ZHX2: variants seen among roughly 807,000 people sequenced by gnomAD.
The protein encoded by ZHX2 is zinc fingers and homeoboxes protein 2.
A neutral mutation model predicts 21.9 loss-of-function variants in ZHX2; 6 were observed. The ratio of observed to expected loss-of-function variants is 0.27; its 90% confidence interval spans 0.15 to 0.54. The LOEUF is 0.54. ZHX2 is among the 20% of genes least tolerant of loss of function. The pLI, the probability that ZHX2 is intolerant of heterozygous loss-of-function variation, is 0.95. For missense variants in ZHX2, 908 were observed against 1,090.7 expected (o/e 0.83, Z 2.36); for synonymous variants, 434 against 437.1 (o/e 0.99, Z 0.09).
intron 1 of ZHX2, among the ~76,000 whole-genome samples, chr8:122,784,088 C>T (rs762895972): frequency 1.8e-4 from 28 of 152,324 alleles, no homozygotes; most frequent in South Asian, 1.0e-3. Flanking sequence ...GAAAACACCA[C>T]TGTTTGTTGG....
intron 1 of ZHX2, among the ~76,000 whole-genome samples, chr8:122,834,694 G>C (rs1049367769): frequency 1.1e-4 from 17 of 152,218 alleles, no homozygotes; most frequent in African/African-American, 4.1e-4. Flanking sequence ...TGGATTGGGA[G>C]ATGAACCGAA....
At position 122,917,629 on chromosome 8, in the gene ZHX2, C is replaced by T. The variant is rs189505060; in HGVS notation, c.-219-33663C>T. 1.4e-4 allele frequency among the ~76,000 whole-genome samples: 21 copies of T among 152,274 alleles called. No homozygotes were observed. In the East Asian group the frequency reaches 2.3e-3, roughly 17 times the overall value. ...ACCTGATGAAGATCAGGCATAAGGC[C>T]GCAGTCAGAACTGCATTTCTGTCTG... On this transcript the variant is annotated intron_variant, in intron 2 of 3. Transcript: ENST00000314393.
chr8:122,911,957 G>T (rs912551039), intron 2 of ZHX2, among the ~76,000 whole-genome samples: 12 of 152,142 alleles, frequency 7.9e-5, no homozygotes, highest in African/African-American at 2.9e-4. Flanking sequence ...GCCTGGAGGG[G>T]ACACACGCGC....
chr8:122,926,271 C>T (rs935407903), intron 2 of ZHX2, among the ~76,000 whole-genome samples: 5 of 152,258 alleles, frequency 3.3e-5, no homozygotes, highest in Admixed American at 6.5e-5. Context: ...GATGCCGGTG[C>T]GGAACAAGGG....
chr8:122,793,801 G>T (rs932988549), intron 1 of ZHX2, among the ~76,000 whole-genome samples: 2 of 152,156 alleles, frequency 1.3e-5, no homozygotes, highest in African/African-American at 4.8e-5. Flanking sequence ...AAGCTTGGGG[G>T]GCCCTGCCTC....
At chr8:122,890,357 A>G (rs1391473326) in intron 2 of ZHX2, among the ~76,000 whole-genome samples, 3 of 152,156 alleles carry the variant, frequency 2.0e-5, no homozygotes, top group African/African-American at 7.2e-5. Flanking sequence ...TTTGTTAACT[A>G]TAGCTTTGTG....
intron 1 of ZHX2, among the ~76,000 whole-genome samples, chr8:122,821,760 G>A (rs941915365): frequency 2.6e-5 from 4 of 151,904 alleles, no homozygotes; most frequent in Admixed American, 2.0e-4. Context: ...GCTGGAGTGC[G>A]GTGGCGCGAT....
chr8:122,781,036 C>G (rs776489466), upstream of ZHX2: 8 of 152,228 alleles, frequency 5.3e-5, no homozygotes, highest in Non-Finnish European at 1.0e-4. This position sits in a 1 kb window ranked among gnomAD's most constrained non-coding sequence, Gnocchi z 4.6. Context: ...CGAGCCTTCT[C>G]ATTATCATTC....
intron 1 of ZHX2, among the ~76,000 whole-genome samples, chr8:122,813,366 C>T (rs4870816): frequency 0.091 from 13,809 of 152,172 alleles, 922 homozygotes; most frequent in East Asian, 0.21. Flanking sequence ...GCATCAGAGC[C>T]GCCTTTCAGT....
At chr8:122,830,730 T>G (rs184315134) in intron 1 of ZHX2, among the ~76,000 whole-genome samples, 1 of 152,042 alleles carries the variant, frequency 6.6e-6, no homozygotes, top group East Asian at 1.9e-4. Context: ...GTGTCTGGAT[T>G]AAGGAGGGGA....
chr8:122,923,701 A>T (rs533848023), intron 2 of ZHX2, among the ~76,000 whole-genome samples: 26 of 152,360 alleles, frequency 1.7e-4, no homozygotes, highest in African/African-American at 6.0e-4. Flanking sequence ...GACTGAGAGC[A>T]GAACTAAGAG....
intron 1 of ZHX2, among the ~76,000 whole-genome samples, chr8:122,858,638 C>CTTTTTTTTTT (rs34399149): frequency 1.2e-5 from 1 of 82,736 alleles, no homozygotes; most frequent in Admixed American, 1.2e-4. Flanking sequence ...TTCTTTCTTT[C>CTTTTTTTTTT]TTTTTTTTTT....
At chr8:122,812,459 G>A (rs921567184) in intron 1 of ZHX2, among the ~76,000 whole-genome samples, 1 of 152,168 alleles carries the variant, frequency 6.6e-6, no homozygotes. Flanking sequence ...GAGTAGGGAA[G>A]CAACTTGCCC....
At chr8:122,890,213 C>T (rs1819944744) in intron 2 of ZHX2, among the ~76,000 whole-genome samples, 1 of 152,088 alleles carries the variant, frequency 6.6e-6, no homozygotes, top group Non-Finnish European at 1.5e-5. Flanking sequence ...ATTGAAGAGA[C>T]TATCATTTTC....
intron 1 of ZHX2, among the ~76,000 whole-genome samples, chr8:122,784,107 A>G (rs576518078): frequency 7.9e-5 from 12 of 152,340 alleles, no homozygotes; most frequent in African/African-American, 2.9e-4. Flanking sequence ...GGCACTGAAG[A>G]AAGGGTATTC....
chr8:122,869,121 C>T (rs1819370709), intron 2 of ZHX2, among the ~76,000 whole-genome samples: 1 of 152,156 alleles, frequency 6.6e-6, no homozygotes, highest in Admixed American at 6.5e-5. Context: ...TGTCCTCTCC[C>T]CTGAGGCCTA....
intron 1 of ZHX2, among the ~76,000 whole-genome samples, chr8:122,832,261 G>A (rs1005762130): frequency 3.3e-5 from 5 of 152,164 alleles, no homozygotes; most frequent in African/African-American, 1.2e-4. Flanking sequence ...AGTACACTGC[G>A]GTGAGCTAGC....
Position 122,929,015 on chromosome 8 carries a change from C to T in ZHX2, c.-219-22277C>T, listed in dbSNP as rs567838941. ...TTCCTATATACCAAGTTGTGTTGTG[C>T]ACTTTTCTTCAATCAATATTATTTG... On this transcript the variant is annotated intron_variant, in intron 2 of 3. Coordinates refer to ENST00000314393, the MANE Select transcript of ZHX2 (RefSeq NM_014943.5). Among the ~76,000 whole-genome samples, 179 of 152,202 alleles carry T rather than the reference C, an allele frequency of 1.2e-3. 2 individuals are homozygous for T. The highest frequency in any genetic ancestry group is 2.6e-4 in the Non-Finnish European group (18 of 68,004).
chr8:122,956,503 CAG>C (rs148626019), intron 3 of ZHX2, among the ~76,000 whole-genome samples: 3,328 of 152,160 alleles, frequency 0.022, 118 homozygotes, highest in African/African-American at 0.076. Flanking sequence ...ACATCTGACT[CAG>C]GGGATGAGAA....
Sources: gnomAD v4.1 joint callset for allele counts (sites outside exome capture counted in the v4.1 genomes callset) on GRCh38, gnomAD v4.1.1 for gene constraint, Gnocchi (gnomAD v3.1) non-coding constraint, MANE v1.5 for transcripts, NCBI Gene and HGNC (gene_info 2026-07-23, HGNC 2026-07-21) for gene names.